C2CD2: variants seen among roughly 807,000 people sequenced by gnomAD.
The protein encoded by C2CD2 is C2 calcium dependent domain containing 2, also known as C2 domain-containing protein 2.
In C2CD2, 43 loss-of-function variants were observed where a neutral mutation model predicts 74.3. The ratio of observed to expected loss-of-function variants is 0.58; its 90% CI spans 0.45 to 0.75. The LOEUF (loss-of-function observed/expected upper bound fraction) is 0.75. C2CD2 is among the 30% of genes least tolerant of loss of function. The probability of loss-of-function intolerance (pLI) is 0.00; values close to 1 mark genes in which losing one functional copy is unlikely to be tolerated. For synonymous variants in C2CD2, 422 were observed against 390.7 expected, an observed-to-expected ratio of 1.08 and a Z score of -0.94; for missense variants, 801 against 916.3, an observed-to-expected ratio of 0.87 and a Z score of 1.63.
In C2CD2 at chr21:41,899,216, G is replaced by A. The variant is rs1365968537; in HGVS notation, c.1707C>T (p.Ser569=). The change falls in exon 13 of 14, where the codon TCC becomes TCT. Residue 569 remains serine, a synonymous_variant. Transcript: ENST00000380486. This position sits in a 1 kb window ranked among gnomAD's most constrained non-coding sequence, Gnocchi z 4.4. Reference sequence around the variant, plus strand: ...CGTCCTCCTGGGGCTTGGGGGCAAGGGATGCCTGGGCTGACTCGGCTTCCT... The same window carrying A: ...CGTCCTCCTGGGGCTTGGGGGCAAGAGATGCCTGGGCTGACTCGGCTTCCT... ...PPEEAESAQA[S]LAPKPQEDEL... 1 of 1,612,410 alleles carries A rather than the reference G, an allele frequency of 6.2e-7. No individual in the cohort carries two copies. The highest frequency in any genetic ancestry group is 1.7e-5 in the Admixed American group (1 of 59,860).
intron 2 of C2CD2, among the ~76,000 whole-genome samples, chr21:41,928,744 C>G (rs1264128006): frequency 2.0e-5 from 3 of 151,994 alleles, no homozygotes; most frequent in Non-Finnish European, 4.4e-5. Context: ...AGGTAGAACA[C>G]ACGTGCACAC....
At position 41,905,831 on chromosome 21, in the gene C2CD2, G is replaced by A. The variant is rs773309279; in HGVS notation, c.1325C>T (p.Pro442Leu). 9.6e-6 allele frequency: 15 copies of A among 1,564,382 alleles called. No individual in the cohort carries two copies. The highest frequency in any genetic ancestry group is 1.7e-4 in the Middle Eastern group (1 of 5,994). ...GRASPLSSDSPVKTPIKVKVI... is the reference protein window; with the variant it reads ...GRASPLSSDSLVKTPIKVKVI... ...CTTCACCTTGATGGGAGTCTTCACCGGAGAATCTGCCAGAGGAAGATCCTG... is the reference window on the plus strand; with the variant it reads ...CTTCACCTTGATGGGAGTCTTCACCAGAGAATCTGCCAGAGGAAGATCCTG... The change falls in exon 11 of 14, where the codon CCG (proline) becomes CTG (leucine). Residue 442 changes from proline to leucine, a missense_variant. Transcript: ENST00000380486.
intron 1 of C2CD2, among the ~76,000 whole-genome samples, chr21:41,942,757 C>G (rs2065365645): frequency 2.6e-5 from 4 of 152,100 alleles, no homozygotes. Flanking sequence ...TTAGGGTGCC[C>G]CCCATTCTCC....
In C2CD2 at chr21:41,912,408, T is replaced by C. The variant is rs759984027; in HGVS notation, c.877A>G (p.Asn293Asp). The change falls in exon 7 of 14, where the codon AAC (asparagine) becomes GAC (aspartate). Residue 293 changes from asparagine to aspartate, a missense_variant. Asn to Asp is a conservative substitution (Grantham distance 23). Transcript: ENST00000380486. ...CTGGAGAACCTCTGAACAGGATCGT[T>C]CAGCTGCACGACGCACACTGCATTA... Reference protein sequence around the residue: ...HINAVCVVQLNDPVQRFSSTL... With the variant: ...HINAVCVVQLDDPVQRFSSTL... 7 of 1,612,764 alleles carry C rather than the reference T, an allele frequency of 4.3e-6. No homozygotes were observed. In the African/African-American group the frequency reaches 8.0e-5, roughly 18 times the overall value.
chr21:41,914,792 ACT>A, intron 5 of C2CD2, 71 bp from the exon 6 acceptor site: 1 of 1,375,752 alleles, frequency 7.3e-7, no homozygotes, highest in Admixed American at 1.9e-5. Flanking sequence ...TAGCCACTGG[ACT>A]CCTGTTATGG....
At chr21:41,931,594 T>G (rs961889301) in intron 2 of C2CD2, among the ~76,000 whole-genome samples, 1 of 149,728 alleles carries the variant, frequency 6.7e-6, no homozygotes, top group African/African-American at 2.4e-5. Flanking sequence ...AGCTAATTTT[T>G]TGTATGTTAG....
chr21:41,928,686 C>T (rs2065237690), intron 2 of C2CD2, among the ~76,000 whole-genome samples: 1 of 151,950 alleles, frequency 6.6e-6, no homozygotes, highest in Non-Finnish European at 1.5e-5. Context: ...AGCAGGGGAC[C>T]GCCCCCCACC....
intron 7 of C2CD2, among the ~76,000 whole-genome samples, chr21:41,910,688 C>T (rs1364072306): frequency 1.3e-5 from 2 of 150,032 alleles, no homozygotes; most frequent in Admixed American, 1.3e-4. Flanking sequence ...TTTATAAAAG[C>T]TATACACACA....
chr21:41,922,476 CTT>C (rs34651080), intron 2 of C2CD2, among the ~76,000 whole-genome samples: 31,530 of 139,242 alleles, frequency 0.23, 3,775 homozygotes, highest in Non-Finnish European at 0.29. Flanking sequence ...CCATAGGCAT[CTT>C]TTTTTTTTTT....
intron 1 of C2CD2, among the ~76,000 whole-genome samples, chr21:41,944,695 T>G (rs2065384770): frequency 6.6e-6 from 1 of 152,124 alleles, no homozygotes; most frequent in Non-Finnish European, 1.5e-5. Flanking sequence ...CAACCACAAA[T>G]TCAGGTATCT....
At chr21:41,922,234 C>T (rs775053962) in intron 2 of C2CD2, 149 bp from the exon 3 acceptor site, 2 of 587,620 alleles carry the variant, frequency 3.4e-6, no homozygotes, top group Middle Eastern at 4.5e-4. Context: ...TCTCAGCTCA[C>T]TGCAACCTCC....
At chr21:41,936,393 T>G (rs1400767351) in intron 2 of C2CD2, among the ~76,000 whole-genome samples, 1 of 152,162 alleles carries the variant, frequency 6.6e-6, no homozygotes, top group Non-Finnish European at 1.5e-5. Context: ...CAAGGAGATA[T>G]CACGTCAAAC....
intron 2 of C2CD2, among the ~76,000 whole-genome samples, chr21:41,940,072 G>A (rs1411074549): frequency 6.6e-6 from 1 of 152,126 alleles, no homozygotes; most frequent in Non-Finnish European, 1.5e-5. Context: ...TTTTGGATTC[G>A]AGATGCTTGA....
At chr21:41,921,441 T>C (rs895646752) in intron 3 of C2CD2, among the ~76,000 whole-genome samples, 15 of 152,256 alleles carry the variant, frequency 9.9e-5, no homozygotes, top group African/African-American at 3.4e-4. Flanking sequence ...TATAAAATTA[T>C]AGAGATGTGT....
At chr21:41,905,537 C>CA (rs953782776) in intron 11 of C2CD2, among the ~76,000 whole-genome samples, 187 bp downstream of exon 11, 1 of 152,114 alleles carries the variant, frequency 6.6e-6, no homozygotes, top group African/African-American at 2.4e-5. Flanking sequence ...AGGCTGGTCT[C>CA]AAATTCCTGA....
intron 5 of C2CD2, among the ~76,000 whole-genome samples, chr21:41,915,567 G>C: frequency 6.6e-6 from 1 of 151,986 alleles, no homozygotes; most frequent in East Asian, 1.9e-4. Flanking sequence ...CTCCTGAGTA[G>C]CTGGGATTAC....
At chr21:41,948,947 C>T (rs1188630901) in intron 1 of C2CD2, among the ~76,000 whole-genome samples, 3 of 119,426 alleles carry the variant, frequency 2.5e-5, no homozygotes, top group African/African-American at 6.2e-5. Context: ...GCAATTAGAA[C>T]ATACCTCTAA....
At chr21:41,889,790 GC>G in intron 13 of C2CD2, among the ~76,000 whole-genome samples, 1 of 151,962 alleles carries the variant, frequency 6.6e-6, no homozygotes, top group East Asian at 1.9e-4. Flanking sequence ...GTGCCACCAT[GC>G]CTAGCTAATT....
Position 41,895,701 on chromosome 21 carries a change from A to T in C2CD2, c.1870+3352T>A, listed in dbSNP as rs1462141179. ...TACGTGAAAGAATTTAAACATAATT[A>T]ATCTAAATTATAGCTCTAATGTCAT... On this transcript the variant is annotated intron_variant, in intron 13 of 13. Transcript: ENST00000380486. The surrounding 1 kb of genome is among the most constrained non-coding windows in gnomAD (Gnocchi z 5.0). Among the ~76,000 whole-genome samples the T allele has an allele frequency of 6.6e-6, 1 of 152,254 alleles. No homozygotes were observed. The highest frequency in any genetic ancestry group is 1.5e-5 in the Non-Finnish European group (1 of 68,052).
Sources: allele counts gnomAD v4.1 joint callset (sites outside exome capture counted in the v4.1 genomes callset), GRCh38; gene constraint gnomAD v4.1.1; non-coding constraint Gnocchi (gnomAD v3.1); transcripts MANE v1.5; gene names NCBI Gene and HGNC (gene_info 2026-07-23, HGNC 2026-07-21).